Variants in MSI2 observed in about 807,000 individuals in gnomAD.
The protein encoded by MSI2 is RNA-binding protein Musashi homolog 2.
A neutral mutation model predicts 45.6 loss-of-function variants in MSI2; 17 were observed. The observed-to-expected ratio is 0.37, with a 90% CI of 0.26 to 0.56. The LOEUF is 0.56. Ranked by LOEUF, MSI2 falls within the 20% of genes least tolerant of loss-of-function variation. MSI2 has a pLI of 0.77. For missense variants in MSI2, 293 were observed against 444.2 expected (o/e 0.66, Z 3.06); for synonymous variants, 156 against 158.2 (o/e 0.99, Z 0.11).
intron 10 of MSI2, among the ~76,000 whole-genome samples, chr17:57,641,210 C>G (rs1435376501): frequency 2.0e-5 from 3 of 152,134 alleles, no homozygotes; most frequent in Non-Finnish European, 2.9e-5. Flanking sequence ...GGGGAGGGAA[C>G]TTAAGATCAC....
At chr17:57,633,449 G>A (rs919766455) in intron 10 of MSI2, among the ~76,000 whole-genome samples, 1 of 152,318 alleles carries the variant, frequency 6.6e-6, no homozygotes, top group African/African-American at 2.4e-5. Flanking sequence ...CCTCCGCCAC[G>A]GCTCCCCTCT....
chr17:57,338,622 A>G (rs549586146), intron 5 of MSI2, among the ~76,000 whole-genome samples: 2 of 152,200 alleles, frequency 1.3e-5, no homozygotes, highest in African/African-American at 4.8e-5. Context: ...TGCCTGGAGG[A>G]GCGGGCTGGT....
At chr17:57,469,755 T>C (rs1211660120) in intron 6 of MSI2, among the ~76,000 whole-genome samples, 1 of 152,248 alleles carries the variant, frequency 6.6e-6, no homozygotes, top group Non-Finnish European at 1.5e-5. Context: ...ATCTCCAGTG[T>C]CCCCATCTCC....
intron 6 of MSI2, among the ~76,000 whole-genome samples, chr17:57,513,512 TG>T (rs1812820514): frequency 6.6e-6 from 1 of 152,208 alleles, no homozygotes; most frequent in Non-Finnish European, 1.5e-5. Flanking sequence ...TGTGGACACA[TG>T]GGTCATTGGC....
At chr17:57,572,148 G>C (rs1251517691) in intron 7 of MSI2, among the ~76,000 whole-genome samples, 1 of 152,232 alleles carries the variant, frequency 6.6e-6, no homozygotes, top group African/African-American at 2.4e-5. Context: ...TCAAGCCAGA[G>C]CCTGCTGGGA....
intron 10 of MSI2, among the ~76,000 whole-genome samples, chr17:57,651,764 G>A (rs1018086950): frequency 6.6e-6 from 1 of 152,190 alleles, no homozygotes; most frequent in African/African-American, 2.4e-5. Flanking sequence ...CAACCCCAGG[G>A]GAGCCACTGT....
chr17:57,377,123 T>C (rs2083512925), intron 5 of MSI2, among the ~76,000 whole-genome samples: 1 of 152,152 alleles, frequency 6.6e-6, no homozygotes, highest in South Asian at 2.1e-4. Flanking sequence ...GGTTTCACTG[T>C]GTTTACCAGG....
At chr17:57,426,401 C>G (rs2084493100) in intron 6 of MSI2, among the ~76,000 whole-genome samples, 1 of 152,164 alleles carries the variant, frequency 6.6e-6, no homozygotes, top group Admixed American at 6.5e-5. Flanking sequence ...GCCTGTTTAT[C>G]TCTTCCCTCC....
chr17:57,421,549 TC>T (rs2084396940), intron 6 of MSI2, among the ~76,000 whole-genome samples: 1 of 152,036 alleles, frequency 6.6e-6, no homozygotes, highest in South Asian at 2.1e-4. Flanking sequence ...ATTCTCCTCC[TC>T]CTCCTCCTTC....
At chr17:57,584,791 GTTT>G (rs35283984) in intron 7 of MSI2, among the ~76,000 whole-genome samples, 33 of 144,406 alleles carry the variant, frequency 2.3e-4, no homozygotes, top group Non-Finnish European at 3.0e-4. Flanking sequence ...GATGATTTGG[GTTT>G]TTTTTTTTTT....
chr17:57,300,949 C>T (rs1911371508), intron 5 of MSI2, among the ~76,000 whole-genome samples: 1 of 152,202 alleles, frequency 6.6e-6, no homozygotes, highest in Admixed American at 6.5e-5. Context: ...GGTGAGGACA[C>T]AGCCAAACCA....
At chr17:57,548,418 T>C (rs2087221460) in intron 7 of MSI2, among the ~76,000 whole-genome samples, 1 of 152,198 alleles carries the variant, frequency 6.6e-6, no homozygotes, top group Non-Finnish European at 1.5e-5. Flanking sequence ...CCTTTCAATT[T>C]GTCAAGCTTT....
At chr17:57,390,898 C>T (rs1485944118) in intron 5 of MSI2, among the ~76,000 whole-genome samples, 6 of 152,148 alleles carry the variant, frequency 3.9e-5, no homozygotes, top group South Asian at 2.1e-4. Flanking sequence ...GGTTTCTCAG[C>T]CTGTCTGTGA....
intron 6 of MSI2, among the ~76,000 whole-genome samples, chr17:57,460,298 C>T (rs967411793): frequency 8.6e-5 from 13 of 151,430 alleles, no homozygotes; most frequent in Admixed American, 1.3e-4. Flanking sequence ...CACTCCAGCC[C>T]GGGTGACAGA....
At chr17:57,572,132 G>A (rs994504132) in intron 7 of MSI2, among the ~76,000 whole-genome samples, 6 of 152,194 alleles carry the variant, frequency 3.9e-5, no homozygotes, top group Admixed American at 2.0e-4. Flanking sequence ...CAGCAGAATC[G>A]GATCCTCAAG....
chr17:57,699,938 C>T, the MSI2 span, among the ~76,000 whole-genome samples: 1 of 152,252 alleles, frequency 6.6e-6, no homozygotes, highest in Non-Finnish European at 1.5e-5. Flanking sequence ...CCCATAGCAT[C>T]CCAGCTCAGC....
At chr17:57,261,573 C>T (rs767138164) in intron 4 of MSI2, among the ~76,000 whole-genome samples, 2 of 152,036 alleles carry the variant, frequency 1.3e-5, no homozygotes, top group African/African-American at 4.8e-5. Flanking sequence ...TTTACTTTTG[C>T]TAAAATGAAT....
At position 57,260,183 on chromosome 17, in the gene MSI2, T is replaced by A. The variant is rs374609856; in HGVS notation, c.270+1829T>A. The A allele has an allele frequency of 4.6e-5, 7 of 152,300 alleles. 1 individual carries two copies. Among genetic ancestry groups the A allele is most frequent in the African/African-American group, 1.7e-4 (7 of 41,560 alleles). The allele number at this position is 152,300 out of a possible 1,614,324, so 9.4% of individuals were successfully genotyped here. On this transcript the variant is annotated intron_variant, in intron 4 of 13. Transcript: ENST00000284073. ...GTAGTTTTCTTTTTTGTTTGTTTTT[T>A]AAAAAATAGTTGACAGGGATGTGCA... is the stretch of plus-strand genomic sequence containing the variant.
At chr17:57,566,045 G>A (rs757705260) in intron 7 of MSI2, 13 of 152,162 alleles carry the variant, frequency 8.5e-5, no homozygotes, top group African/African-American at 2.2e-4. Context: ...AAGAGAAATC[G>A]GGGGCTGTGT....
Sources: allele counts gnomAD v4.1 joint callset (sites outside exome capture counted in the v4.1 genomes callset), GRCh38; gene constraint gnomAD v4.1.1; transcripts MANE v1.5; gene names NCBI Gene and HGNC (gene_info 2026-07-23, HGNC 2026-07-21).